The following ZNF337 variants were observed in gnomAD, a reference collection of about 807,000 sequenced individuals.
The protein encoded by ZNF337 is zinc finger protein 337.
A neutral mutation model predicts 12.1 loss-of-function variants in ZNF337; 8 were observed. The ratio of observed to expected loss-of-function variants is 0.66; its 90% CI spans 0.39 to 1.19. The LOEUF is 1.19. ZNF337 is among the 50% of genes most tolerant of loss of function. ZNF337 has a pLI of 0.01. For missense variants in ZNF337, 882 were observed against 896.6 expected (o/e 0.98, Z 0.21); for synonymous variants, 336 against 320.0 (o/e 1.05, Z -0.53).
At chr20:25,677,402 T>G in intron 4 of ZNF337, 2 of 188,484 alleles carry the variant, frequency 1.1e-5, no homozygotes, top group Non-Finnish European at 2.2e-5. Context: ...ATCCCAAGTA[T>G]GCAATCATGA....
intron 1 of ZNF337, chr20:25,686,856 G>C (rs1318230853): frequency 1.0e-5 from 2 of 197,664 alleles, no homozygotes; most frequent in East Asian, 2.6e-4. Flanking sequence ...GATAACCACA[G>C]GTGCAGACAA....
intron 4 of ZNF337, 67 bp downstream of exon 4, chr20:25,685,500 A>C: frequency 7.2e-7 from 1 of 1,391,662 alleles, no homozygotes; most frequent in Non-Finnish European, 1.0e-6. Context: ...CCCTGGCCTC[A>C]GAGAAGCCTC....
chr20:25,678,340 A>G (rs2065730158), intron 4 of ZNF337, among the ~76,000 whole-genome samples: 1 of 152,180 alleles, frequency 6.6e-6, no homozygotes, highest in African/African-American at 2.4e-5. Context: ...AATGTTCTCT[A>G]TGATAAAAAC....
chr20:25,674,838 T>G lies in ZNF337; in HGVS notation c.*194A>C. On this transcript the variant is annotated 3_prime_UTR_variant, in exon 5 of 5. Transcript: ENST00000252979. ...GCCCTCCCCTCAACTGGCATCTCTG[T>G]TCCCTAAACATTGACCTCTTTTCTC... 1.7e-6 allele frequency: 1 copy of G among 602,056 alleles called. No homozygotes were observed. Among genetic ancestry groups the G allele is most frequent in the South Asian group, 2.1e-5 (1 of 46,750 alleles). 37.3% of individuals were successfully genotyped at this position (602,056 alleles called of 1,614,324 possible). A position where few individuals can be genotyped will look rare whatever the true frequency, so the allele number is the denominator to read the frequency against.
intron 4 of ZNF337, among the ~76,000 whole-genome samples, chr20:25,681,540 TAGAG>T (rs1219394766): frequency 6.6e-6 from 1 of 152,142 alleles, no homozygotes; most frequent in Non-Finnish European, 1.5e-5. Context: ...AATTTTCTGA[TAGAG>T]AGTATACTGT....
At chr20:25,679,556 C>T (rs1048455349) in intron 4 of ZNF337, among the ~76,000 whole-genome samples, 19 of 152,006 alleles carry the variant, frequency 1.2e-4, no homozygotes, top group African/African-American at 2.4e-4. Flanking sequence ...AACAGGTATA[C>T]GAAAAAATGC....
intron 1 of ZNF337, among the ~76,000 whole-genome samples, chr20:25,691,636 C>T (rs1294854143): frequency 6.6e-6 from 1 of 152,174 alleles, no homozygotes; most frequent in Admixed American, 6.5e-5. Context: ...GTGATTTTCA[C>T]AGCCCACAGT....
rs1291460024 is a variant in ZNF337 at position 25,680,472 on chromosome 20, G to A, written c.251-3435C>T. On this transcript the variant is annotated intron_variant, in intron 4 of 4. Coordinates refer to ENST00000252979, the MANE Select transcript of ZNF337 (RefSeq NM_015655.4). ...GGGGAGATATTTATATATAAATGGA[G>A]AATAATAAAGAATTATCTTTTTTAA... 2.0e-5 allele frequency among the ~76,000 whole-genome samples: 3 copies of A among 151,838 alleles called. No individual in the cohort carries two copies. In the East Asian group the frequency reaches 5.8e-4, roughly 29 times the overall value.
chr20:25,695,547 T>C (rs563704644), intron 1 of ZNF337, among the ~76,000 whole-genome samples: 1 of 152,236 alleles, frequency 6.6e-6, no homozygotes, highest in East Asian at 1.9e-4. Context: ...CTTTCTCTTA[T>C]TGATTTATGA....
intron 1 of ZNF337, among the ~76,000 whole-genome samples, chr20:25,689,909 A>T (rs970649692): frequency 2.6e-5 from 4 of 152,244 alleles, no homozygotes; most frequent in African/African-American, 9.6e-5. Flanking sequence ...AAATAATCTT[A>T]TAGGAGCTAA....
intron 4 of ZNF337, among the ~76,000 whole-genome samples, chr20:25,678,408 C>T (rs1218335580): frequency 2.6e-5 from 4 of 152,078 alleles, no homozygotes; most frequent in Non-Finnish European, 5.9e-5. Context: ...GTTCATGGAG[C>T]AAAATAATAC....
intron 4 of ZNF337, among the ~76,000 whole-genome samples, chr20:25,682,152 T>C (rs1258094827): frequency 1.3e-5 from 2 of 152,116 alleles, no homozygotes; most frequent in African/African-American, 4.8e-5. Flanking sequence ...GAAAGTTAAA[T>C]GAGGGTTACA....
intron 1 of ZNF337, among the ~76,000 whole-genome samples, chr20:25,687,620 T>C (rs1442992965): frequency 6.6e-6 from 1 of 152,206 alleles, no homozygotes; most frequent in Non-Finnish European, 1.5e-5. Flanking sequence ...CCCAGTCCAC[T>C]CTGCCAAAAG....
At chr20:25,686,722 C>T (rs1569014133) in intron 1 of ZNF337, 2 of 459,218 alleles carry the variant, frequency 4.4e-6, no homozygotes, top group South Asian at 3.1e-5. Context: ...GGATGAGGAA[C>T]ACCTGCAGAT....
intron 4 of ZNF337, among the ~76,000 whole-genome samples, chr20:25,685,329 T>C (rs1026473905): frequency 1.3e-4 from 20 of 151,758 alleles, no homozygotes; most frequent in Non-Finnish European, 2.5e-4. Context: ...AATGAGGAGA[T>C]TGAGTGGGAG....
chr20:25,676,553 G>T lies in ZNF337; in HGVS notation c.735C>A (p.Phe245Leu), dbSNP rs1478047638. 7 of 1,611,826 alleles carry T rather than the reference G, an allele frequency of 4.3e-6. No homozygotes were observed. Among genetic ancestry groups the T allele is most frequent in the Non-Finnish European group, 5.9e-6 (7 of 1,179,296 alleles). Residue 245 changes from phenylalanine (F) to leucine (L), a missense_variant, in exon 5 of 5, where the codon TTC becomes TTA. By Grantham distance (22) the Phe-to-Leu change is conservative. Coordinates refer to ENST00000252979, the MANE Select transcript of ZNF337 (RefSeq NM_015655.4). ...SYVCSVCGRGFSLKANLLRHQ... is the reference protein window; with the variant it reads ...SYVCSVCGRGLSLKANLLRHQ... Reference sequence around the variant, plus strand: ...GTCTGAGGAGGTTGGCCTTGAGGCTGAAGCCTCGCCCACACACACTGCACA... The same window carrying T: ...GTCTGAGGAGGTTGGCCTTGAGGCTTAAGCCTCGCCCACACACACTGCACA...
chr20:25,679,489 A>G (rs1039511194), intron 4 of ZNF337, among the ~76,000 whole-genome samples: 1 of 152,180 alleles, frequency 6.6e-6, no homozygotes, highest in African/African-American at 2.4e-5. Context: ...AAATCCAACT[A>G]AAAAGTGGGA....
At chr20:25,688,830 G>A (rs2065856802) in intron 1 of ZNF337, among the ~76,000 whole-genome samples, 1 of 152,144 alleles carries the variant, frequency 6.6e-6, no homozygotes, top group Admixed American at 6.5e-5. Context: ...GATAGGTTAA[G>A]TAAGGGTAAG....
intron 4 of ZNF337, among the ~76,000 whole-genome samples, chr20:25,680,005 T>G (rs982055452): frequency 3.3e-5 from 5 of 152,146 alleles, no homozygotes; most frequent in African/African-American, 1.2e-4. Flanking sequence ...TTTACAGCAG[T>G]ATCATTAGAA....
Sources: gnomAD v4.1 joint callset for allele counts (sites outside exome capture counted in the v4.1 genomes callset) on GRCh38, gnomAD v4.1.1 for gene constraint, MANE v1.5 for transcripts, NCBI Gene and HGNC (gene_info 2026-07-23, HGNC 2026-07-21) for gene names.